Variants in STAU2 observed in about 807,000 individuals in gnomAD.
STAU2 encodes double-stranded RNA-binding protein Staufen homolog 2.
STAU2 carries 20 observed loss-of-function variants against 65.9 expected under a neutral mutation model. That is an observed-to-expected ratio of 0.30 (90% confidence interval 0.21 to 0.44). STAU2 has a LOEUF of 0.44. STAU2 is among the 20% of genes least tolerant of loss of function. The pLI is 1.00. For synonymous variants in STAU2, 232 were observed against 233.9 expected (o/e 0.99, Z 0.07); for missense variants, 558 against 683.9 (o/e 0.82, Z 2.05).
chr8:73,564,038 AC>A (rs147537092), intron 12 of STAU2, among the ~76,000 whole-genome samples: 17 of 151,434 alleles, frequency 1.1e-4, no homozygotes, highest in African/African-American at 3.9e-4. Flanking sequence ...TACCCACACC[AC>A]CCCCCTAAGT....
At chr8:73,443,011 C>T (rs1818273886) in intron 13 of STAU2, among the ~76,000 whole-genome samples, 1 of 152,160 alleles carries the variant, frequency 6.6e-6, no homozygotes, top group Non-Finnish European at 1.5e-5. Context: ...ACAAAGCATT[C>T]CAATACGCAA....
intron 11 of STAU2, among the ~76,000 whole-genome samples, chr8:73,585,790 C>T (rs1002668556): frequency 6.6e-6 from 1 of 152,168 alleles, no homozygotes; most frequent in African/African-American, 2.4e-5. Flanking sequence ...CCACCAAAAT[C>T]TCACCTTTAA....
chr8:73,691,909 C>T (rs944139896), intron 4 of STAU2, among the ~76,000 whole-genome samples: 3 of 152,084 alleles, frequency 2.0e-5, no homozygotes, highest in Non-Finnish European at 4.4e-5. Flanking sequence ...TTGGCAGGCC[C>T]CTGGATAGAG....
At position 73,691,724 on chromosome 8, in the gene STAU2, C is replaced by T. The variant is rs146350404; in HGVS notation, c.115-2911G>A. 2.7e-3 allele frequency among the ~76,000 whole-genome samples: 418 copies of T among 152,170 alleles called. 2 individuals are homozygous for T. The highest frequency in any genetic ancestry group is 6.8e-3 in the Middle Eastern group (2 of 292). On this transcript the variant is annotated intron_variant, in intron 4 of 14. Coordinates refer to ENST00000524300, the MANE Select transcript of STAU2 (RefSeq NM_001164380.2). ...ATATAAGAAATATGTATTTGGTCTC[C>T]GGCCCTGGTTCCTAACACAGAGCTC... is the stretch of plus-strand genomic sequence containing the variant.
chr8:73,560,372 G>A (rs955780632), intron 12 of STAU2, among the ~76,000 whole-genome samples: 1 of 152,028 alleles, frequency 6.6e-6, no homozygotes, highest in African/African-American at 2.4e-5. Context: ...GAGCCACCAC[G>A]CCTGGCCAAA....
chr8:73,603,960 C>A, intron 9 of STAU2, 97 bp from the exon 10 acceptor site: 3 of 1,283,666 alleles, frequency 2.3e-6, no homozygotes, highest in East Asian at 5.2e-5. Context: ...CCCCCACACC[C>A]CAAAACTGTG....
chr8:73,725,772 A>G (rs1805577615), intron 3 of STAU2, among the ~76,000 whole-genome samples: 1 of 152,128 alleles, frequency 6.6e-6, no homozygotes, highest in Non-Finnish European at 1.5e-5. Flanking sequence ...TTCTCAACAA[A>G]ATATATAAAA....
chr8:73,534,659 CAAGA>C (rs1312573230), intron 13 of STAU2, among the ~76,000 whole-genome samples: 8 of 152,080 alleles, frequency 5.3e-5, no homozygotes, highest in African/African-American at 1.9e-4. Context: ...AAATAAATTA[CAAGA>C]TATATAATTA....
chr8:73,424,176 A>G (rs551045850), intron 13 of STAU2, among the ~76,000 whole-genome samples: 7 of 147,990 alleles, frequency 4.7e-5, no homozygotes, highest in Non-Finnish European at 8.9e-5. Context: ...TCACTTAGCA[A>G]TGTATATTTG....
At chr8:73,645,210 A>G (rs1025748580) in intron 6 of STAU2, among the ~76,000 whole-genome samples, 3 of 152,204 alleles carry the variant, frequency 2.0e-5, no homozygotes, top group Non-Finnish European at 4.4e-5. Flanking sequence ...ATTAGCAAGT[A>G]GAATTTAGCA....
intron 4 of STAU2, among the ~76,000 whole-genome samples, chr8:73,702,454 G>A (rs993743179): frequency 3.3e-5 from 5 of 151,782 alleles, no homozygotes; most frequent in Non-Finnish European, 7.4e-5. Flanking sequence ...TAGATATTTT[G>A]GTACATGCAA....
chr8:73,512,327 G>A (rs1053141422), intron 13 of STAU2, among the ~76,000 whole-genome samples: 14 of 152,074 alleles, frequency 9.2e-5, no homozygotes, highest in African/African-American at 2.2e-4. Flanking sequence ...TAAATCTATA[G>A]GTCAATTTAA....
At chr8:73,744,431 C>A (rs958728447) in intron 1 of STAU2, among the ~76,000 whole-genome samples, 4 of 148,062 alleles carry the variant, frequency 2.7e-5, no homozygotes, top group Admixed American at 2.1e-4. Context: ...ATTCCCAGCA[C>A]TGAACGTGCA....
chr8:73,477,456 T>C (rs1162473610), intron 13 of STAU2, among the ~76,000 whole-genome samples: 1 of 152,236 alleles, frequency 6.6e-6, no homozygotes, highest in Non-Finnish European at 1.5e-5. Context: ...TGGGTCATGA[T>C]GTTAAATTCA....
rs34893638 is a variant in STAU2, at chr8:73,728,463, C to CAA, written c.-18+9819_-18+9820dup. On this transcript the variant is annotated intron_variant, in intron 3 of 14. Coordinates refer to ENST00000524300, the MANE Select transcript of STAU2 (RefSeq NM_001164380.2). ...ATGAGGATCAGCTTTCCAACTTTTG[C>CAA]AAAAAAAAAAAAAAAAGGCCAATGG... is the stretch of plus-strand genomic sequence containing the variant. Among the ~76,000 whole-genome samples, 1,139 of 130,146 alleles carry CAA rather than the reference C, an allele frequency of 8.8e-3. 4 individuals carry two copies. The highest frequency in any genetic ancestry group is 0.028 in the East Asian group (127 of 4,574). The allele number at this position is 130,146 out of a possible 152,430, so 85.4% of individuals were successfully genotyped here.
chr8:73,570,518 A>ATTTC (rs1808985950), intron 12 of STAU2, among the ~76,000 whole-genome samples: 1 of 152,256 alleles, frequency 6.6e-6, no homozygotes, highest in African/African-American at 2.4e-5. Context: ...CAAGTTGGAA[A>ATTTC]ACACTCTGCA....
intron 13 of STAU2, chr8:73,549,757 A>G: frequency 1.0e-6 from 1 of 985,854 alleles, no homozygotes; most frequent in Non-Finnish European, 1.2e-6. Flanking sequence ...TTCAGTGTGC[A>G]ATAAAATAAA....
At chr8:73,581,993 T>C (rs908065003) in intron 12 of STAU2, among the ~76,000 whole-genome samples, 1 of 152,166 alleles carries the variant, frequency 6.6e-6, no homozygotes, top group Non-Finnish European at 1.5e-5. Context: ...ACTGGGTGTT[T>C]TTACTAGCCA....
At chr8:73,522,542 G>A (rs775077390) in intron 13 of STAU2, among the ~76,000 whole-genome samples, 1 of 152,162 alleles carries the variant, frequency 6.6e-6, no homozygotes, top group Non-Finnish European at 1.5e-5. Context: ...GTAAATCAGT[G>A]ACCTTTGTAT....
Sources: allele counts gnomAD v4.1 joint callset (sites outside exome capture counted in the v4.1 genomes callset), GRCh38; gene constraint gnomAD v4.1.1; transcripts MANE v1.5; gene names NCBI Gene and HGNC (gene_info 2026-07-23, HGNC 2026-07-21).